Variants in PRMT3 observed in about 807,000 individuals in gnomAD.
PRMT3 encodes the protein protein arginine methyltransferase 3.
Under a neutral mutation model 71.9 loss-of-function variants are expected in PRMT3, and 62 were observed. The observed-to-expected ratio is 0.86, with a 90% CI of 0.70 to 1.07. The LOEUF (loss-of-function observed/expected upper bound fraction) is 1.07. Ranked by LOEUF, PRMT3 falls within the 50% of genes least tolerant of loss-of-function variation. The probability of loss-of-function intolerance (pLI) is 0.00; values close to 1 mark genes in which losing one functional copy is unlikely to be tolerated. For missense variants in PRMT3, 663 were observed against 643.0 expected (o/e 1.03, Z -0.34); for synonymous variants, 213 against 220.4 (o/e 0.97, Z 0.30).
In PRMT3 at chr11:20,470,836, A is replaced by G. The variant is rs570193668; in HGVS notation, c.1347+6290A>G. Reference sequence around the variant, plus strand: ...ATTGCCACTGTCTTCTGCAATGGTTAAACTAATTTACATTTCCACCAACCA... The same window carrying G: ...ATTGCCACTGTCTTCTGCAATGGTTGAACTAATTTACATTTCCACCAACCA... On this transcript the variant is annotated intron_variant, in intron 13 of 15. Transcript: ENST00000331079. Among the ~76,000 whole-genome samples, 11 of 152,234 alleles carry G rather than the reference A, an allele frequency of 7.2e-5. No homozygotes were observed. The South Asian group carries it at 2.3e-3, about 32-fold the overall frequency.
chr11:20,401,568 A>G (rs1848949759), intron 7 of PRMT3, among the ~76,000 whole-genome samples: 1 of 152,158 alleles, frequency 6.6e-6, no homozygotes, highest in African/African-American at 2.4e-5. Context: ...GTTGGCATAA[A>G]AATGTATTGG....
intron 13 of PRMT3, among the ~76,000 whole-genome samples, chr11:20,473,720 C>T (rs1850708655): frequency 1.3e-5 from 2 of 152,046 alleles, no homozygotes; most frequent in African/African-American, 2.4e-5. Context: ...TATTACCCAC[C>T]TTCTGAAGCC....
intron 12 of PRMT3, among the ~76,000 whole-genome samples, chr11:20,463,479 T>A (rs918083482): frequency 6.6e-6 from 1 of 152,094 alleles, no homozygotes; most frequent in Admixed American, 6.5e-5. Flanking sequence ...TTTCTCTCTC[T>A]AGTGATCTCT....
Position 20,452,319 on chromosome 11 carries a change from A to G in PRMT3, c.1072+111A>G. ...GCTGAGGAAGTTCCCGATAGGGTTG[A>G]AAGATGTTTGCATTACAAGAAGCTT... is the stretch of plus-strand genomic sequence containing the variant. On this transcript the variant is annotated intron_variant, in intron 11 of 15. Coordinates refer to ENST00000331079, the MANE Select transcript of PRMT3 (RefSeq NM_005788.4). The G allele has an allele frequency of 3.8e-6, 3 of 798,310 alleles. No homozygotes were observed. In the East Asian group the frequency reaches 7.5e-5, roughly 20 times the overall value. The allele number at this position is 798,310 out of a possible 1,614,324, so 49.5% of individuals were successfully genotyped here. A position where few individuals can be genotyped will look rare whatever the true frequency, so the allele number is the denominator to read the frequency against.
At chr11:20,435,303 G>A (rs1308508993) in intron 10 of PRMT3, among the ~76,000 whole-genome samples, 1 of 152,128 alleles carries the variant, frequency 6.6e-6, no homozygotes, top group Non-Finnish European at 1.5e-5. Context: ...CTGGGCTCAA[G>A]CAATCCTTCC....
intron 7 of PRMT3, 66 bp from the exon 8 acceptor site, chr11:20,402,853 C>A: frequency 1.6e-6 from 2 of 1,273,922 alleles, no homozygotes; most frequent in Non-Finnish European, 2.3e-6. Context: ...TGGCAAATAT[C>A]TCCCTTAAAA....
intron 9 of PRMT3, among the ~76,000 whole-genome samples, chr11:20,416,304 T>G (rs903371952): frequency 2.6e-5 from 4 of 152,136 alleles, no homozygotes; most frequent in African/African-American, 7.2e-5. Context: ...GAGGGTAAAT[T>G]ACATATGATT....
chr11:20,421,618 T>C (rs899334594), intron 9 of PRMT3, among the ~76,000 whole-genome samples: 1 of 152,254 alleles, frequency 6.6e-6, no homozygotes, highest in African/African-American at 2.4e-5. Context: ...AACTGTCCTC[T>C]ACAAAGCTTG....
At chr11:20,492,164 A>C (rs1851223667) in intron 13 of PRMT3, among the ~76,000 whole-genome samples, 1 of 152,208 alleles carries the variant, frequency 6.6e-6, no homozygotes, top group African/African-American at 2.4e-5. Flanking sequence ...AGAATGTATA[A>C]TAAACACATT....
intron 2 of PRMT3, among the ~76,000 whole-genome samples, 163 bp from the exon 3 acceptor site, chr11:20,389,581 G>C (rs1446265774): frequency 1.3e-5 from 2 of 152,018 alleles, no homozygotes; most frequent in African/African-American, 2.4e-5. Context: ...AAAAGTGCTG[G>C]ATTCCCTTCC....
At position 20,476,999 on chromosome 11, in the gene PRMT3, G is replaced by C. The variant is rs527967640; in HGVS notation, c.1347+12453G>C. Among the ~76,000 whole-genome samples, 8 of 152,256 alleles carry C rather than the reference G, an allele frequency of 5.3e-5. No individual in the cohort carries two copies. In the South Asian group the frequency reaches 1.7e-3, roughly 32 times the overall value. On this transcript the variant is annotated intron_variant, in intron 13 of 15. Transcript: ENST00000331079. ...GAAGAATATCTCCTAGCTAGCTAGC[G>C]GGAGGGGTCGATCCCTTTTGATTTC...
intron 13 of PRMT3, among the ~76,000 whole-genome samples, chr11:20,483,338 T>C (rs576921223): frequency 6.6e-6 from 1 of 152,240 alleles, no homozygotes; most frequent in East Asian, 1.9e-4. Flanking sequence ...TTACGACTGA[T>C]AGTATCTTCT....
At chr11:20,473,121 T>G (rs1464027539) in intron 13 of PRMT3, among the ~76,000 whole-genome samples, 4 of 152,116 alleles carry the variant, frequency 2.6e-5, no homozygotes, top group Non-Finnish European at 5.9e-5. Context: ...ATTTATTTGA[T>G]TCTTCTATTC....
chr11:20,480,327 C>T (rs888296892), intron 13 of PRMT3, among the ~76,000 whole-genome samples: 3 of 152,144 alleles, frequency 2.0e-5, no homozygotes, highest in Admixed American at 1.3e-4. Flanking sequence ...CTATGTAAAA[C>T]CAGTGGTTCT....
chr11:20,456,531 T>C (rs1425627686), intron 11 of PRMT3, among the ~76,000 whole-genome samples: 1 of 152,236 alleles, frequency 6.6e-6, no homozygotes, highest in Non-Finnish European at 1.5e-5. Context: ...TCTATTTTTG[T>C]GTTCTTTTCA....
chr11:20,426,939 T>G, intron 10 of PRMT3, 74 bp downstream of exon 10: 1 of 1,436,596 alleles, frequency 7.0e-7, no homozygotes, highest in East Asian at 3.0e-5. Flanking sequence ...TTTTCATGAA[T>G]TTAATTATAT....
intron 7 of PRMT3, among the ~76,000 whole-genome samples, chr11:20,401,343 G>GA (rs1002224874): frequency 6.6e-6 from 1 of 151,932 alleles, no homozygotes; most frequent in Non-Finnish European, 1.5e-5. Context: ...GGTATGCTTT[G>GA]AAAAAAAGTT....
chr11:20,404,211 GTTTTTTTTTTTTTT>G (rs71063629), intron 8 of PRMT3, among the ~76,000 whole-genome samples: 1 of 34,332 alleles, frequency 2.9e-5, no homozygotes, highest in Admixed American at 4.2e-4. Context: ...ACTTTTCATA[GTTTTTTTTTTTTTT>G]TTTTTTTTTT....
chr11:20,480,839 T>C (rs1203233610), intron 13 of PRMT3, among the ~76,000 whole-genome samples: 2 of 151,040 alleles, frequency 1.3e-5, no homozygotes, highest in Non-Finnish European at 2.9e-5. Context: ...TGAAAAATTA[T>C]GGTCCTGTCA....
Sources: allele counts gnomAD v4.1 joint callset (sites outside exome capture counted in the v4.1 genomes callset), GRCh38; gene constraint gnomAD v4.1.1; transcripts MANE v1.5; gene names NCBI Gene and HGNC (gene_info 2026-07-23, HGNC 2026-07-21).